The following LRRC53 variants were observed in gnomAD, a reference collection of about 807,000 sequenced individuals.
LRRC53 encodes the protein leucine-rich repeat-containing protein 53.
LRRC53 carries 25 observed loss-of-function variants against 13.6 expected under a neutral mutation model. That is an observed-to-expected ratio of 1.83 (90% CI 1.34 to 2.56). The LOEUF (loss-of-function observed/expected upper bound fraction) is 2.56, where lower values mean the gene tolerates loss of function less well. Among genes scored for constraint, LRRC53 ranks in the 30% most tolerant of loss-of-function variants. The probability of loss-of-function intolerance (pLI) is 0.00; values close to 1 mark genes in which losing one functional copy is unlikely to be tolerated. For missense variants in LRRC53, 527 were observed against 275.8 expected (o/e 1.91, Z -6.45); for synonymous variants, 204 against 109.8 (o/e 1.86, Z -5.37).
intron 1 of LRRC53, among the ~76,000 whole-genome samples, chr1:74,504,410 A>G (rs1669785255): frequency 6.6e-6 from 1 of 152,160 alleles, no homozygotes; most frequent in Admixed American, 6.6e-5. Context: ...TGGAGACTTC[A>G]CGCCGAACAA....
chr1:74,478,338 A>T (rs529871176), intron 3 of LRRC53, among the ~76,000 whole-genome samples: 105 of 152,340 alleles, frequency 6.9e-4, no homozygotes, highest in African/African-American at 2.4e-3. Context: ...ATCAGAATTT[A>T]TTCATGTATA....
chr1:74,518,252 G>A, the LRRC53 span, among the ~76,000 whole-genome samples: 1 of 152,156 alleles, frequency 6.6e-6, no homozygotes, highest in Non-Finnish European at 1.5e-5. Context: ...TTTTCAGTCT[G>A]GATGGCTAGA....
chr1:74,477,553 A>C (rs1668266224), intron 3 of LRRC53, among the ~76,000 whole-genome samples: 1 of 152,194 alleles, frequency 6.6e-6, no homozygotes, highest in Non-Finnish European at 1.5e-5. Context: ...TGAAGGAACA[A>C]AAGGGCTAAG....
At position 74,483,958 on chromosome 1, in the gene LRRC53, C is replaced by G. The variant is rs138676064; in HGVS notation, c.-26-583G>C. Among the ~76,000 whole-genome samples, 920 of 152,176 alleles carry G rather than the reference C, an allele frequency of 6.0e-3. 12 individuals carry two copies. Among genetic ancestry groups the G allele is most frequent in the African/African-American group, 0.021 (855 of 41,542 alleles). On this transcript the variant is annotated intron_variant, in intron 1 of 4. Transcript: ENST00000294635. The stretch of plus-strand genomic sequence containing the variant: ...GCTCTACTTAGCTTTGAATTCAGCT[C>G]TGTTTTTACTGACTATATTATCTTA...
chr1:74,527,086 C>T, the LRRC53 span, among the ~76,000 whole-genome samples: 1 of 152,114 alleles, frequency 6.6e-6, no homozygotes, highest in Admixed American at 6.6e-5. Flanking sequence ...GTCACGTAGC[C>T]CCAAAACTGT....
chr1:74,513,956 T>C (rs1378216613), upstream of LRRC53, among the ~76,000 whole-genome samples: 2 of 152,170 alleles, frequency 1.3e-5, no homozygotes, highest in African/African-American at 2.4e-5. Context: ...GAGTAAATAA[T>C]CTTCCAAAAA....
At position 74,480,316 on chromosome 1, in the gene LRRC53, ATT is replaced by A; in HGVS notation, c.739_740del (p.Asn247LeufsTer19). 1 of 717,816 alleles carries A rather than the reference ATT, an allele frequency of 1.4e-6. No homozygotes were observed. The highest frequency in any genetic ancestry group is 2.3e-4 in the Middle Eastern group (1 of 4,372). 44.5% of individuals were successfully genotyped at this position (717,816 alleles called of 1,614,324 possible). On this transcript the variant is annotated frameshift_variant, in exon 3 of 5. Coordinates refer to ENST00000294635, the MANE Select transcript of LRRC53 (RefSeq NM_001382280.1). LOFTEE classifies it high-confidence loss of function. ...AHTLRNAKDL[N>X]CQPSTAAVAA... ...CCACAGCTGCGGTAGATGGCTGGCA[ATT>A]TAGGTCCTTGGCATTCCTGAGCGTG...
At chr1:74,485,773 C>T (rs1668727031) in intron 1 of LRRC53, among the ~76,000 whole-genome samples, 1 of 152,158 alleles carries the variant, frequency 6.6e-6, no homozygotes, top group South Asian at 2.1e-4. Flanking sequence ...TGTGAACTGC[C>T]TATTTGGCAA....
chr1:74,510,402 G>A (rs981909725), intron 1 of LRRC53, among the ~76,000 whole-genome samples: 1 of 152,156 alleles, frequency 6.6e-6, no homozygotes. Flanking sequence ...CAGCTACTCA[G>A]GAGGCTGAGG....
chr1:74,476,322 A>G (rs1668203558), intron 3 of LRRC53, among the ~76,000 whole-genome samples: 1 of 152,124 alleles, frequency 6.6e-6, no homozygotes, highest in Admixed American at 6.6e-5. Flanking sequence ...GACAAATGGC[A>G]TCCTCAACCA....
the LRRC53 span, among the ~76,000 whole-genome samples, chr1:74,536,327 C>G: frequency 6.6e-6 from 1 of 152,266 alleles, no homozygotes; most frequent in South Asian, 2.1e-4. Flanking sequence ...AAATGGCATG[C>G]ACACTCCAAA....
intron 1 of LRRC53, among the ~76,000 whole-genome samples, chr1:74,490,591 G>T (rs946463242): frequency 6.6e-6 from 1 of 152,174 alleles, no homozygotes; most frequent in African/African-American, 2.4e-5. Flanking sequence ...GCTATATGCT[G>T]ACAGAGTTTG....
upstream of LRRC53, among the ~76,000 whole-genome samples, chr1:74,515,004 G>A (rs1361784919): frequency 6.6e-6 from 1 of 152,102 alleles, no homozygotes; most frequent in Non-Finnish European, 1.5e-5. Flanking sequence ...AGGGACTGAA[G>A]TGCTCTACCT....
At chr1:74,477,685 C>A (rs2100240367) in intron 3 of LRRC53, among the ~76,000 whole-genome samples, 1 of 152,278 alleles carries the variant, frequency 6.6e-6, no homozygotes, top group Middle Eastern at 3.4e-3. Flanking sequence ...GCTCTTGATA[C>A]TAGGTATATA....
chr1:74,486,234 G>GAGAGAGAGA, intron 1 of LRRC53, among the ~76,000 whole-genome samples: 1 of 56,262 alleles, frequency 1.8e-5, no homozygotes, highest in East Asian at 1.4e-3. Context: ...AGAGAGAGAG[G>GAGAGAGAGA]TGGGAAATAT....
chr1:74,523,490 G>A, the LRRC53 span, among the ~76,000 whole-genome samples: 1 of 146,174 alleles, frequency 6.8e-6, no homozygotes, highest in Admixed American at 7.1e-5. Flanking sequence ...ACAAGAAAGA[G>A]AGAAAGAGAA....
chr1:74,471,851 G>T lies in LRRC53; in HGVS notation c.1771C>A (p.Pro591Thr), dbSNP rs191221619. The T allele has an allele frequency of 5.0e-4, 224 of 450,936 alleles. 1 individual carries two copies. The highest frequency in any genetic ancestry group is 7.2e-4 in the Non-Finnish European group (184 of 255,750). 27.9% of individuals were successfully genotyped at this position (450,936 alleles called of 1,614,324 possible). A position where few individuals can be genotyped will look rare whatever the true frequency, so the allele number is the denominator to read the frequency against. ...QFEDYMKEKK[P>T]NRRQHSKPEK... The stretch of plus-strand genomic sequence containing the variant: ...GGCTTTGAGTGTTGTCTACGATTTG[G>T]CTTCTTTTCTTTCATGTAATCTTCA... Residue 591 changes from proline to threonine, a missense_variant, in exon 5 of 5, where the codon CCA (proline) becomes ACA (threonine). Physicochemically the swap from Pro to Thr is conservative, Grantham distance 38. Coordinates refer to ENST00000294635, the MANE Select transcript of LRRC53 (RefSeq NM_001382280.1).
chr1:74,502,563 A>G lies in LRRC53; in HGVS notation c.-27+9963T>C, dbSNP rs1053235394. ...ACATGTTTGCCAACACCAGAACGTT[A>G]TGTCAAGTTTGGGCTTTGAAGAGAA... is the stretch of plus-strand genomic sequence containing the variant. On this transcript the variant is annotated intron_variant, in intron 1 of 4. Coordinates refer to ENST00000294635, the MANE Select transcript of LRRC53 (RefSeq NM_001382280.1). Among the ~76,000 whole-genome samples, 10 of 152,318 alleles carry G rather than the reference A, an allele frequency of 6.6e-5. No homozygotes were observed. In the South Asian group the frequency reaches 2.1e-3, roughly 32 times the overall value.
At chr1:74,497,960 G>A (rs963631961) in intron 1 of LRRC53, among the ~76,000 whole-genome samples, 5 of 152,022 alleles carry the variant, frequency 3.3e-5, no homozygotes, top group Middle Eastern at 3.2e-3. Flanking sequence ...ATGCATCCTA[G>A]GCTTTTTGAA....
Sources: allele counts gnomAD v4.1 joint callset (sites outside exome capture counted in the v4.1 genomes callset), GRCh38; gene constraint gnomAD v4.1.1; transcripts MANE v1.5; gene names NCBI Gene and HGNC (gene_info 2026-07-23, HGNC 2026-07-21).